Variants in METAP1D observed in about 807,000 individuals in gnomAD.
METAP1D encodes the protein methionine aminopeptidase 1D, mitochondrial.
Under a neutral mutation model 40.5 loss-of-function variants are expected in METAP1D, and 31 were observed. The ratio of observed to expected loss-of-function variants is 0.77; its 90% CI spans 0.58 to 1.03. The LOEUF is 1.03. Among genes scored for constraint, METAP1D ranks in the 50% least tolerant of loss-of-function variants. The pLI is 0.00. For synonymous variants in METAP1D, 151 were observed against 146.4 expected (o/e 1.03, Z -0.22); for missense variants, 411 against 420.7 (o/e 0.98, Z 0.20).
At chr2:172,035,282 A>G (rs1689347558) in intron 1 of METAP1D, among the ~76,000 whole-genome samples, 1 of 151,794 alleles carries the variant, frequency 6.6e-6, no homozygotes, top group Non-Finnish European at 1.5e-5. Context: ...CTCCTGCCTC[A>G]GCCTCCCGAG....
chr2:172,003,447 T>A (rs1688510997), intron 1 of METAP1D, among the ~76,000 whole-genome samples: 1 of 152,166 alleles, frequency 6.6e-6, no homozygotes, highest in Non-Finnish European at 1.5e-5. Flanking sequence ...ATAATCCCCA[T>A]GTGTCAAGGG....
rs1689604005 is a variant in METAP1D, at chr2:172,042,643, G to GTGTA, written c.41-18852_41-18851insATGT. ...TGTGTATGTGTACACATATACATAT[G>GTGTA]TGTGTATGTGTATATGTGTACACAT... On this transcript the variant is annotated intron_variant, in intron 1 of 9. Coordinates refer to ENST00000315796, the MANE Select transcript of METAP1D (RefSeq NM_199227.3). Among the ~76,000 whole-genome samples the GTGTA allele has an allele frequency of 2.6e-4, 4 of 15,626 alleles. 2 individuals are homozygous for GTGTA. Among genetic ancestry groups the GTGTA allele is most frequent in the African/African-American group, 4.6e-4 (4 of 8,700 alleles). The allele number at this position is 15,626 out of a possible 152,430, so 10.3% of individuals were successfully genotyped here.
chr2:172,022,556 G>T (rs1350201747), intron 1 of METAP1D, among the ~76,000 whole-genome samples: 1 of 152,086 alleles, frequency 6.6e-6, no homozygotes, highest in South Asian at 2.1e-4. Context: ...AATATTTTTA[G>T]TAATCTTACT....
At chr2:172,007,380 TTGG>T (rs780110960) in intron 1 of METAP1D, among the ~76,000 whole-genome samples, 57 of 152,242 alleles carry the variant, frequency 3.7e-4, no homozygotes, top group Non-Finnish European at 6.3e-4. Flanking sequence ...AGATAATATC[TTGG>T]TGGAGATTAT....
intron 1 of METAP1D, among the ~76,000 whole-genome samples, chr2:172,011,194 A>G (rs1688712389): frequency 2.0e-5 from 3 of 151,792 alleles, no homozygotes; most frequent in Admixed American, 1.3e-4. Flanking sequence ...TTACATTTTT[A>G]TCACCCCAAA....
At chr2:172,034,032 AT>A (rs1421276540) in intron 1 of METAP1D, among the ~76,000 whole-genome samples, 3 of 148,228 alleles carry the variant, frequency 2.0e-5, no homozygotes, top group African/African-American at 7.5e-5. Flanking sequence ...AGTGGAGATC[AT>A]GCCATTGTAC....
chr2:172,036,138 A>G (rs1052922922), intron 1 of METAP1D, among the ~76,000 whole-genome samples: 27 of 151,674 alleles, frequency 1.8e-4, no homozygotes, highest in Admixed American at 1.5e-3. Context: ...TAACACGGTG[A>G]AACCCCGTCT....
chr2:172,003,318 C>T (rs1171649682), intron 1 of METAP1D, among the ~76,000 whole-genome samples: 1 of 152,164 alleles, frequency 6.6e-6, no homozygotes, highest in Non-Finnish European at 1.5e-5. Flanking sequence ...CAGGAACTCT[C>T]TCCTATCTCA....
rs1574139489 is a variant in METAP1D at position 172,066,388 on chromosome 2, A to G, written c.540+82A>G. On this transcript the variant is annotated intron_variant, in intron 5 of 9. Coordinates refer to ENST00000315796, the MANE Select transcript of METAP1D (RefSeq NM_199227.3). ...CAGGAAGAGTGGATTGAAAATGTGA[A>G]CTGCACCAGTGGAAGTGCTGTTTAC... 2.4e-5 allele frequency: 28 copies of G among 1,161,500 alleles called. No homozygotes were observed. The East Asian group carries it at 6.4e-4, about 27-fold the overall frequency. The allele number at this position is 1,161,500 out of a possible 1,614,324, so 71.9% of individuals were successfully genotyped here. A position where few individuals can be genotyped will look rare whatever the true frequency, so the allele number is the denominator to read the frequency against.
At chr2:172,078,469 T>C (rs1219954205) in intron 7 of METAP1D, among the ~76,000 whole-genome samples, 1 of 151,880 alleles carries the variant, frequency 6.6e-6, no homozygotes, top group East Asian at 1.9e-4. Context: ...GGTGGGAGGA[T>C]TTGGATTGAG....
rs1275534894 is a variant in METAP1D, at chr2:172,082,089, T to C, written c.*1683T>C. The C allele has an allele frequency of 6.6e-6, 1 of 152,352 alleles. No individual in the cohort carries two copies. The highest frequency in any genetic ancestry group is 2.4e-5 in the African/African-American group (1 of 41,432). The allele number at this position is 152,352 out of a possible 1,614,324, so 9.4% of individuals were successfully genotyped here. On this transcript the variant is annotated 3_prime_UTR_variant, in exon 10 of 10. Coordinates refer to ENST00000315796, the MANE Select transcript of METAP1D (RefSeq NM_199227.3). ...AAGGTCCATAGAAAAACTTTTTGTGTGGTCGGAAGTTGGCCAAGCAGAGGC... is the reference window on the plus strand; with the variant it reads ...AAGGTCCATAGAAAAACTTTTTGTGCGGTCGGAAGTTGGCCAAGCAGAGGC...
rs368378892 is a variant in METAP1D, at chr2:172,004,212, G to C, written c.40+4203G>C. Among the ~76,000 whole-genome samples the C allele has an allele frequency of 1.8e-3, 273 of 152,298 alleles. 6 individuals are homozygous for C. In the South Asian group the frequency reaches 0.054, roughly 30 times the overall value. On this transcript the variant is annotated intron_variant, in intron 1 of 9. Transcript: ENST00000315796. ...GTAATAGCCAGGCAGGGGAGGGGCT[G>C]TTATACATCATGAGTTAAGTACTTT...
At chr2:172,036,584 C>T (rs1689393382) in intron 1 of METAP1D, among the ~76,000 whole-genome samples, 1 of 151,718 alleles carries the variant, frequency 6.6e-6, no homozygotes, top group South Asian at 2.1e-4. Flanking sequence ...CCAGGATGGT[C>T]TCGATCTCCT....
chr2:172,007,919 A>G (rs1437045780), intron 1 of METAP1D, among the ~76,000 whole-genome samples: 2 of 151,938 alleles, frequency 1.3e-5, no homozygotes, highest in Non-Finnish European at 2.9e-5. Flanking sequence ...CCAACTCCTG[A>G]TCTCAAGTGA....
chr2:172,055,928 A>G (rs1689993074), intron 1 of METAP1D, among the ~76,000 whole-genome samples: 1 of 152,158 alleles, frequency 6.6e-6, no homozygotes, highest in Non-Finnish European at 1.5e-5. Flanking sequence ...TTGGCAGGAC[A>G]GGTACCTTGG....
chr2:172,075,901 T>C (rs1033039361), intron 6 of METAP1D, among the ~76,000 whole-genome samples: 3 of 152,196 alleles, frequency 2.0e-5, no homozygotes, highest in African/African-American at 7.2e-5. Flanking sequence ...TTTGCATCCA[T>C]GACACACAGA....
At chr2:172,011,185 T>C (rs1688712129) in intron 1 of METAP1D, among the ~76,000 whole-genome samples, 2 of 152,120 alleles carry the variant, frequency 1.3e-5, no homozygotes. Flanking sequence ...CAATCAGTTT[T>C]ACATTTTTAT....
chr2:172,015,169 C>T (rs965211897), intron 1 of METAP1D, among the ~76,000 whole-genome samples: 1 of 152,104 alleles, frequency 6.6e-6, no homozygotes, highest in African/African-American at 2.4e-5. Context: ...TTAAGTCGGG[C>T]GTGGTGGCTC....
intron 1 of METAP1D, among the ~76,000 whole-genome samples, chr2:172,022,221 C>CA (rs1352513638): frequency 6.6e-6 from 1 of 152,150 alleles, no homozygotes; most frequent in Non-Finnish European, 1.5e-5. Flanking sequence ...GAATCTAAGA[C>CA]GTTGAGTCGC....
Sources: allele counts gnomAD v4.1 joint callset (sites outside exome capture counted in the v4.1 genomes callset), GRCh38; gene constraint gnomAD v4.1.1; transcripts MANE v1.5; gene names NCBI Gene and HGNC (gene_info 2026-07-23, HGNC 2026-07-21).